SLC2A12: variants seen among roughly 807,000 people sequenced by gnomAD.
SLC2A12 encodes the protein solute carrier family 2 member 12, also known as solute carrier family 2, facilitated glucose transporter member 12.
In SLC2A12, 23 loss-of-function variants were observed where a neutral mutation model predicts 41.8. The observed-to-expected ratio is 0.55, with a 90% CI of 0.40 to 0.78. The LOEUF (loss-of-function observed/expected upper bound fraction) is 0.78. SLC2A12 is among the 30% of genes least tolerant of loss of function. The pLI is 0.00. For missense variants in SLC2A12, 654 were observed against 745.6 expected (o/e 0.88, Z 1.43); for synonymous variants, 295 against 285.9 (o/e 1.03, Z -0.32).
intron 4 of SLC2A12, 43 bp downstream of exon 4, chr6:134,001,954 G>A: frequency 6.3e-7 from 1 of 1,582,336 alleles, no homozygotes; most frequent in Non-Finnish European, 8.5e-7. Context: ...CTGCACTTTT[G>A]ACCAAAGAGT....
At chr6:134,040,962 A>G (rs1046820118) in intron 1 of SLC2A12, among the ~76,000 whole-genome samples, 2 of 152,222 alleles carry the variant, frequency 1.3e-5, no homozygotes, top group Admixed American at 6.5e-5. Flanking sequence ...GGTCTTTTGC[A>G]CTGGAGGTGC....
intron 4 of SLC2A12, among the ~76,000 whole-genome samples, chr6:133,992,964 C>G (rs1183152721): frequency 1.3e-5 from 2 of 152,280 alleles, no homozygotes; most frequent in Middle Eastern, 3.4e-3. Flanking sequence ...ATTTTGTCCT[C>G]CAACCACATC....
intron 4 of SLC2A12, among the ~76,000 whole-genome samples, chr6:133,998,407 T>G (rs1776719837): frequency 2.6e-5 from 4 of 152,266 alleles, no homozygotes; most frequent in Admixed American, 2.6e-4. Context: ...CAAGTTTGAC[T>G]TTTTTAAGAG....
At chr6:134,017,567 T>C (rs1004337150) in intron 2 of SLC2A12, among the ~76,000 whole-genome samples, 13 of 152,046 alleles carry the variant, frequency 8.6e-5, no homozygotes, top group Non-Finnish European at 1.5e-4. Context: ...AGAGTGGACA[T>C]TTAGGCCGGG....
intron 2 of SLC2A12, among the ~76,000 whole-genome samples, chr6:134,019,466 C>T (rs971402571): frequency 5.3e-5 from 8 of 152,156 alleles, no homozygotes; most frequent in Non-Finnish European, 1.2e-4. Context: ...TTAAAGGGAG[C>T]TGAAGTGATG....
At chr6:134,013,693 T>C (rs1476003746) in intron 2 of SLC2A12, among the ~76,000 whole-genome samples, 1 of 152,228 alleles carries the variant, frequency 6.6e-6, no homozygotes, top group East Asian at 1.9e-4. Context: ...ACAGAAGTTA[T>C]TTGTAATAAT....
chr6:133,991,489 A>G (rs572459795), intron 4 of SLC2A12, among the ~76,000 whole-genome samples, 181 bp from the exon 5 acceptor site: 102 of 152,316 alleles, frequency 6.7e-4, no homozygotes, highest in Non-Finnish European at 1.2e-3. Flanking sequence ...ACTTTGGTCA[A>G]TCTCATGCAA....
chr6:134,012,485 C>T (rs1314517683), intron 2 of SLC2A12, among the ~76,000 whole-genome samples: 1 of 152,174 alleles, frequency 6.6e-6, no homozygotes, highest in African/African-American at 2.4e-5. Flanking sequence ...ATTTTAATAA[C>T]TATTTTCTTT....
At chr6:134,020,401 A>G (rs1035850614) in intron 2 of SLC2A12, among the ~76,000 whole-genome samples, 1 of 152,228 alleles carries the variant, frequency 6.6e-6, no homozygotes, top group Admixed American at 6.5e-5. Context: ...CATCAGCTTA[A>G]TAAGTTTGGT....
At chr6:134,030,387 G>C (rs1327632171) in intron 1 of SLC2A12, among the ~76,000 whole-genome samples, 2 of 152,182 alleles carry the variant, frequency 1.3e-5, no homozygotes, top group South Asian at 4.1e-4. Flanking sequence ...AATGTATGTA[G>C]TGTAAGGAAC....
At chr6:133,999,224 A>T (rs1273673648) in intron 4 of SLC2A12, among the ~76,000 whole-genome samples, 2 of 152,202 alleles carry the variant, frequency 1.3e-5, no homozygotes, top group African/African-American at 4.8e-5. Flanking sequence ...AAGCATAAGG[A>T]TGTAGAGCTG....
chr6:134,016,715 A>G (rs1219631198), intron 2 of SLC2A12, among the ~76,000 whole-genome samples: 1 of 152,184 alleles, frequency 6.6e-6, no homozygotes, highest in Non-Finnish European at 1.5e-5. Flanking sequence ...ATGGGGTAAA[A>G]TCTCAGCCCC....
chr6:133,992,757 G>A (rs992079610), intron 4 of SLC2A12, among the ~76,000 whole-genome samples: 4 of 152,190 alleles, frequency 2.6e-5, no homozygotes, highest in Non-Finnish European at 4.4e-5. Context: ...CCAGGTCGTC[G>A]TGGGGCTGAA....
chr6:134,042,633 A>G (rs796386004), intron 1 of SLC2A12, among the ~76,000 whole-genome samples: 11 of 152,094 alleles, frequency 7.2e-5, no homozygotes, highest in African/African-American at 2.7e-4. Context: ...AGAGCTCAGT[A>G]TGACAAGAAG....
chr6:134,014,366 C>A (rs1776928120), intron 2 of SLC2A12, among the ~76,000 whole-genome samples: 1 of 152,128 alleles, frequency 6.6e-6, no homozygotes, highest in African/African-American at 2.4e-5. Flanking sequence ...CTGTACTGGT[C>A]CAGTCCATGG....
rs1777084845 is a variant in SLC2A12 at position 134,024,278 on chromosome 6, T to C, written c.1444+4103A>G. Among the ~76,000 whole-genome samples the C allele has an allele frequency of 2.0e-5, 3 of 152,218 alleles. No homozygotes were observed. The South Asian group carries it at 6.2e-4, about 32-fold the overall frequency. On this transcript the variant is annotated intron_variant, in intron 2 of 4. Transcript: ENST00000275230. ...TTTGTCTACCGGATTCAGTGAGTCG[T>C]CTCTGCTTCCCTCTGCTTTGAGTCC...
intron 2 of SLC2A12, among the ~76,000 whole-genome samples, chr6:134,011,089 G>A (rs1225463833): frequency 6.6e-6 from 1 of 152,170 alleles, no homozygotes; most frequent in Non-Finnish European, 1.5e-5. Flanking sequence ...TTTGGAGGAA[G>A]CTCTACACTC....
At chr6:133,998,953 C>T (rs1419991329) in intron 4 of SLC2A12, among the ~76,000 whole-genome samples, 1 of 152,190 alleles carries the variant, frequency 6.6e-6, no homozygotes, top group African/African-American at 2.4e-5. Flanking sequence ...TAAAATTGAA[C>T]AGTGGATACT....
Position 133,990,297 on chromosome 6 carries a change from C to T in SLC2A12, c.*858G>A, listed in dbSNP as rs1408298245. On this transcript the variant is annotated 3_prime_UTR_variant, in exon 5 of 5. Transcript: ENST00000275230. ...TTGTCATGAAAGCCTTACAAGGAGG[C>T]AGCTTTTCTAGGCTTGACTTAATAA... The T allele has an allele frequency of 6.6e-6, 1 of 152,572 alleles. No individual in the cohort carries two copies. The highest frequency in any genetic ancestry group is 2.4e-5 in the African/African-American group (1 of 41,416). The allele number at this position is 152,572 out of a possible 1,614,324, so 9.5% of individuals were successfully genotyped here. A position where few individuals can be genotyped will look rare whatever the true frequency, so the allele number is the denominator to read the frequency against.
Sources: allele counts gnomAD v4.1 joint callset (sites outside exome capture counted in the v4.1 genomes callset), GRCh38; gene constraint gnomAD v4.1.1; transcripts MANE v1.5; gene names NCBI Gene and HGNC (gene_info 2026-07-23, HGNC 2026-07-21).